The following TRIM55 variants were observed in gnomAD, a reference collection of about 807,000 sequenced individuals.
The protein encoded by TRIM55 is tripartite motif-containing protein 55.
Under a neutral mutation model 60.9 loss-of-function variants are expected in TRIM55, and 50 were observed. The ratio of observed to expected loss-of-function variants is 0.82; its 90% CI spans 0.65 to 1.04. The LOEUF is 1.04. Among genes scored for constraint, TRIM55 ranks in the 50% least tolerant of loss-of-function variants. The probability of loss-of-function intolerance (pLI) is 0.00; values close to 1 mark genes in which losing one functional copy is unlikely to be tolerated. For missense variants in TRIM55, 681 were observed against 666.9 expected (o/e 1.02, Z -0.23); for synonymous variants, 237 against 238.1 (o/e 1.00, Z 0.04).
chr8:66,165,894 T>C (rs975096826), intron 9 of TRIM55, among the ~76,000 whole-genome samples: 1 of 152,162 alleles, frequency 6.6e-6, no homozygotes, highest in Non-Finnish European at 1.5e-5. Flanking sequence ...GACCTTTACA[T>C]TAACATTATT....
the TRIM55 span, among the ~76,000 whole-genome samples, chr8:66,114,089 C>T: frequency 1.5e-5 from 2 of 135,602 alleles, no homozygotes; most frequent in African/African-American, 5.4e-5. Context: ...GACACCCCCC[C>T]CCCCATTATT....
chr8:66,174,181 A>G (rs1226844451), intron 9 of TRIM55, among the ~76,000 whole-genome samples: 1 of 151,668 alleles, frequency 6.6e-6, no homozygotes. Context: ...AAAAAAAAAA[A>G]AAACTAGAAT....
chr8:66,168,442 A>G (rs1811442887), intron 9 of TRIM55, among the ~76,000 whole-genome samples: 1 of 152,172 alleles, frequency 6.6e-6, no homozygotes, highest in African/African-American at 2.4e-5. Context: ...TTCTGAATAA[A>G]CATTCTAAAC....
At position 66,150,231 on chromosome 8, in the gene TRIM55, G is replaced by A; in HGVS notation, c.852G>A (p.Leu284=). ...MAVFLQNAKT[L]LKKISEASKA... ...TGCTTTCACAGAATGCCAAAACCCT[G>A]CTAAAAAAGTAAGAACTTTTTATTT... is the stretch of plus-strand genomic sequence containing the variant. Residue 284 remains leucine, a synonymous_variant, in exon 6 of 10, where the codon CTG becomes CTA. Transcript: ENST00000315962. 6.2e-7 allele frequency: 1 copy of A among 1,613,016 alleles called. No homozygotes were observed. Among genetic ancestry groups the A allele is most frequent in the Non-Finnish European group, 8.5e-7 (1 of 1,179,422 alleles).
chr8:66,131,981 T>C (rs1335356451), intron 2 of TRIM55, among the ~76,000 whole-genome samples: 2 of 152,266 alleles, frequency 1.3e-5, no homozygotes, highest in African/African-American at 2.4e-5. Flanking sequence ...CATAAATACA[T>C]ACATACATAT....
chr8:66,144,242 G>A (rs1381948776), intron 4 of TRIM55, among the ~76,000 whole-genome samples: 2 of 152,050 alleles, frequency 1.3e-5, no homozygotes, highest in Admixed American at 1.3e-4. Context: ...TGTTGGCATT[G>A]GTTAGAAACA....
the TRIM55 span, among the ~76,000 whole-genome samples, chr8:66,121,175 A>G: frequency 6.6e-6 from 1 of 152,158 alleles, no homozygotes; most frequent in Non-Finnish European, 1.5e-5. Flanking sequence ...GACCCATCTA[A>G]TTTCCCCAGA....
intron 4 of TRIM55, among the ~76,000 whole-genome samples, chr8:66,140,830 A>G (rs1182778663): frequency 3.3e-5 from 5 of 152,116 alleles, no homozygotes; most frequent in Admixed American, 2.0e-4. Context: ...CTGCCCAGAA[A>G]CATGTTCTGA....
rs1810591079 is a variant in TRIM55 at position 66,154,042 on chromosome 8, T to C, written c.1237-5T>C. On this transcript the variant is annotated splice_region_variant and splice_polypyrimidine_tract_variant and intron_variant, in intron 8 of 9. Coordinates refer to ENST00000315962, the MANE Select transcript of TRIM55 (RefSeq NM_184085.2). ...TTACTTTTGAATTTATCTGTCCTGA[T>C]TAAGGGGGAGGTTGTACCCACTGGC... 1 of 1,609,332 alleles carries C rather than the reference T, an allele frequency of 6.2e-7. No individual in the cohort carries two copies. The highest frequency in any genetic ancestry group is 1.3e-5 in the African/African-American group (1 of 74,514).
chr8:66,128,851 A>C (rs7008138), intron 2 of TRIM55, among the ~76,000 whole-genome samples: 4,119 of 152,320 alleles, frequency 0.027, 169 homozygotes, highest in African/African-American at 0.092. Flanking sequence ...AAAGAAAAAA[A>C]AATCTAGTAA....
the TRIM55 span, among the ~76,000 whole-genome samples, chr8:66,119,968 G>A: frequency 1.3e-5 from 2 of 152,144 alleles, no homozygotes; most frequent in Non-Finnish European, 2.9e-5. Context: ...TATGGACAGT[G>A]CCCTTCTAAA....
chr8:66,135,320 C>T (rs1201972968), intron 3 of TRIM55, among the ~76,000 whole-genome samples, 165 bp downstream of exon 3: 2 of 152,200 alleles, frequency 1.3e-5, no homozygotes, highest in East Asian at 1.9e-4. Flanking sequence ...GACATGTGCA[C>T]AGTTGTGCAC....
chr8:66,140,678 T>G (rs1809756262), intron 4 of TRIM55, among the ~76,000 whole-genome samples: 2 of 152,252 alleles, frequency 1.3e-5, no homozygotes. Flanking sequence ...CAGGACAACA[T>G]GCAGCAAACC....
intron 1 of TRIM55, among the ~76,000 whole-genome samples, chr8:66,128,097 G>A (rs922660359): frequency 6.6e-6 from 1 of 152,168 alleles, no homozygotes; most frequent in Non-Finnish European, 1.5e-5. Context: ...AGCACCTTAC[G>A]TGGACAATGG....
Position 66,166,572 on chromosome 8 carries a change from G to A in TRIM55, c.1525-7899G>A, listed in dbSNP as rs142859621. ...AATGCATCTGAAAAAACAATGGCAC[G>A]TGGCAGTGGCTGTAACAAATGTGTG... On this transcript the variant is annotated intron_variant, in intron 9 of 9. Transcript: ENST00000315962. Among the ~76,000 whole-genome samples the A allele has an allele frequency of 7.0e-4, 107 of 152,294 alleles. 1 individual carries two copies. Among genetic ancestry groups the A allele is most frequent in the African/African-American group, 2.6e-4 (11 of 41,564 alleles).
the TRIM55 span, chr8:66,113,527 A>G: frequency 1.3e-5 from 6 of 456,112 alleles, no homozygotes; most frequent in South Asian, 9.3e-5. Flanking sequence ...CTTCAGTGAC[A>G]CATTGCATTC....
rs1228298918 is a variant in TRIM55 at position 66,175,086 on chromosome 8, T to C, written c.*493T>C. On this transcript the variant is annotated 3_prime_UTR_variant, in exon 10 of 10. Coordinates refer to ENST00000315962, the MANE Select transcript of TRIM55 (RefSeq NM_184085.2). ...AAAAGTAAATCATTGACCAAAGCTA[T>C]GAAATGTTTCACAAAGTTTTCCTCT... 2 of 152,700 alleles carry C rather than the reference T, an allele frequency of 1.3e-5. No individual in the cohort carries two copies. The highest frequency in any genetic ancestry group is 2.9e-5 in the Non-Finnish European group (2 of 68,054). 9.5% of individuals were successfully genotyped at this position (152,700 alleles called of 1,614,324 possible). A position where few individuals can be genotyped will look rare whatever the true frequency, so the allele number is the denominator to read the frequency against.
the TRIM55 span, among the ~76,000 whole-genome samples, chr8:66,117,011 C>G: frequency 2.0e-5 from 3 of 152,206 alleles, no homozygotes; most frequent in Non-Finnish European, 4.4e-5. Flanking sequence ...CATTCAAATT[C>G]ATAACATTAA....
chr8:66,157,578 G>A (rs1487419606), intron 9 of TRIM55, among the ~76,000 whole-genome samples: 3 of 152,092 alleles, frequency 2.0e-5, no homozygotes, highest in African/African-American at 7.2e-5. Context: ...ATTCAGTGGT[G>A]GTCTTATCTC....
Sources: allele counts gnomAD v4.1 joint callset (sites outside exome capture counted in the v4.1 genomes callset), GRCh38; gene constraint gnomAD v4.1.1; transcripts MANE v1.5; gene names NCBI Gene and HGNC (gene_info 2026-07-23, HGNC 2026-07-21).